Variants in GALNTL6 observed in about 807,000 individuals in gnomAD.
GALNTL6 encodes polypeptide N-acetylgalactosaminyltransferase-like 6.
In GALNTL6, 46 loss-of-function variants were observed where a neutral mutation model predicts 73.7. That is an observed-to-expected ratio of 0.62 (90% CI 0.49 to 0.80). GALNTL6 has a LOEUF of 0.80. GALNTL6 is among the 30% of genes least tolerant of loss of function. The pLI is 0.00. For missense variants in GALNTL6, 604 were observed against 755.0 expected (o/e 0.80, Z 2.34); for synonymous variants, 259 against 263.7 (o/e 0.98, Z 0.17).
chr4:172,396,316 CTTTTTT>C (rs10715891), intron 5 of GALNTL6, among the ~76,000 whole-genome samples: 1 of 137,548 alleles, frequency 7.3e-6, no homozygotes, highest in African/African-American at 2.7e-5. Flanking sequence ...CTTTTTTTTT[CTTTTTT>C]TTTTTTTTAA....
rs193258572 is a variant in GALNTL6, at chr4:172,605,878, A to T, written c.554-203483A>T. 2.6e-5 allele frequency among the ~76,000 whole-genome samples: 4 copies of T among 152,120 alleles called. No individual in the cohort carries two copies. The East Asian group carries it at 5.8e-4, about 22-fold the overall frequency. On this transcript the variant is annotated intron_variant, in intron 5 of 12. Coordinates refer to ENST00000506823, the MANE Select transcript of GALNTL6 (RefSeq NM_001034845.3). ...AAAGCTCTCAGCACAGAAAGAGGGG[A>T]TCCTGCAAATAGGATACCATCTCAC...
chr4:172,270,729 T>TGATAGATAGATAGATAGATAGATAGATA (rs34612752), intron 3 of GALNTL6, among the ~76,000 whole-genome samples: 2,862 of 151,674 alleles, frequency 0.019, 33 homozygotes, highest in East Asian at 0.027. Flanking sequence ...GGTAGGTAGA[T>TGATAGATAGATAGATAGATAGATAGATA]GATAGATAGA....
At chr4:172,951,993 A>G (rs1387975639) in intron 9 of GALNTL6, 44 bp from the exon 10 acceptor site, 1 of 1,479,766 alleles carries the variant, frequency 6.8e-7, no homozygotes, top group Middle Eastern at 1.7e-4. Context: ...CACCTTTTGA[A>G]TGAATAAACC....
At chr4:172,715,311 T>C (rs952253898) in intron 5 of GALNTL6, among the ~76,000 whole-genome samples, 5 of 152,160 alleles carry the variant, frequency 3.3e-5, no homozygotes, top group Admixed American at 2.6e-4. Flanking sequence ...CAAGTATGTG[T>C]GGACATGCCT....
chr4:172,115,338 T>C (rs1031034272), intron 2 of GALNTL6, among the ~76,000 whole-genome samples: 13 of 152,118 alleles, frequency 8.5e-5, no homozygotes, highest in African/African-American at 2.9e-4. Flanking sequence ...CAGGAAGGTA[T>C]AGAGCAAAAA....
At chr4:172,275,987 A>ACAT (rs1485924099) in intron 3 of GALNTL6, among the ~76,000 whole-genome samples, 7 of 152,236 alleles carry the variant, frequency 4.6e-5, no homozygotes, top group African/African-American at 1.7e-4. Context: ...GTTCTGCTTC[A>ACAT]CATGGTTTCC....
intron 2 of GALNTL6, among the ~76,000 whole-genome samples, chr4:171,984,995 C>G (rs1028677137): frequency 7.3e-6 from 1 of 136,398 alleles, no homozygotes; most frequent in Non-Finnish European, 1.6e-5. Flanking sequence ...TCAGCAAAAA[C>G]AAAAAAAAAA....
At chr4:172,855,319 T>C (rs1314056204) in intron 7 of GALNTL6, among the ~76,000 whole-genome samples, 1 of 152,214 alleles carries the variant, frequency 6.6e-6, no homozygotes, top group Non-Finnish European at 1.5e-5. Context: ...TTTTTATTTT[T>C]AGTATTTTGT....
intron 2 of GALNTL6, among the ~76,000 whole-genome samples, chr4:172,009,823 T>C (rs1435400718): frequency 1.3e-5 from 2 of 152,094 alleles, no homozygotes; most frequent in Non-Finnish European, 1.5e-5. Flanking sequence ...AAGACTACCA[T>C]TGACTCAGGT....
At chr4:171,817,881 T>C (rs999353655) in intron 2 of GALNTL6, among the ~76,000 whole-genome samples, 7 of 151,476 alleles carry the variant, frequency 4.6e-5, no homozygotes, top group Admixed American at 3.9e-4. Context: ...GTTTTTGAGA[T>C]TTTAAGATTT....
chr4:172,195,569 T>G (rs897208858), intron 2 of GALNTL6, among the ~76,000 whole-genome samples: 34 of 151,956 alleles, frequency 2.2e-4, no homozygotes, highest in Admixed American at 1.3e-4. Context: ...GCAAAAGAAC[T>G]GAAAGCATGA....
rs1377439780 is a variant in GALNTL6, at chr4:172,365,723, C to A, written c.553+17034C>A. Among the ~76,000 whole-genome samples, 14 of 148,920 alleles carry A rather than the reference C, an allele frequency of 9.4e-5. No homozygotes were observed. The East Asian group carries it at 1.4e-3, about 15-fold the overall frequency. On this transcript the variant is annotated intron_variant, in intron 5 of 12. Coordinates refer to ENST00000506823, the MANE Select transcript of GALNTL6 (RefSeq NM_001034845.3). ...GGAAATCTAAAAAAAAAAAAAAAATCAAAATGTATGTAGTGCGAGCCTCTA... is the reference window on the plus strand; with the variant it reads ...GGAAATCTAAAAAAAAAAAAAAAATAAAAATGTATGTAGTGCGAGCCTCTA...
chr4:171,943,983 TAGA>T (rs1310467328), intron 2 of GALNTL6, among the ~76,000 whole-genome samples: 5 of 152,076 alleles, frequency 3.3e-5, no homozygotes, highest in African/African-American at 1.2e-4. Context: ...CTAGAAATTA[TAGA>T]AGAACATATT....
At chr4:172,033,820 G>A (rs778101706) in intron 2 of GALNTL6, among the ~76,000 whole-genome samples, 123 of 151,984 alleles carry the variant, frequency 8.1e-4, no homozygotes, top group Non-Finnish European at 1.6e-3. Context: ...AAAATATCTA[G>A]ACCCTTTAGA....
chr4:173,021,749 T>G, intron 12 of GALNTL6, 124 bp downstream of exon 12: 3 of 978,396 alleles, frequency 3.1e-6, no homozygotes, highest in South Asian at 3.2e-5. Flanking sequence ...ATCCTGGCAC[T>G]CTGGGAGGTC....
intron 7 of GALNTL6, among the ~76,000 whole-genome samples, chr4:172,827,806 A>G (rs1742346427): frequency 1.3e-5 from 2 of 152,212 alleles, no homozygotes; most frequent in African/African-American, 2.4e-5. Context: ...AACAAGAAAA[A>G]TAAAGAAGAA....
chr4:171,821,649 ATATATATATAT>A (rs1001246469), intron 2 of GALNTL6, among the ~76,000 whole-genome samples: 2 of 17,480 alleles, frequency 1.1e-4, no homozygotes, highest in Non-Finnish European at 7.0e-4. Flanking sequence ...GGATATATAT[ATATATATATAT>A]ATATATAGTT....
chr4:172,282,021 A>G (rs372750012), intron 3 of GALNTL6, among the ~76,000 whole-genome samples: 11 of 152,184 alleles, frequency 7.2e-5, no homozygotes, highest in Non-Finnish European at 1.6e-4. Flanking sequence ...AAATGACACA[A>G]AAAGTACTGG....
intron 5 of GALNTL6, among the ~76,000 whole-genome samples, chr4:172,727,668 T>C (rs1735899685): frequency 6.6e-6 from 1 of 152,154 alleles, no homozygotes; most frequent in Non-Finnish European, 1.5e-5. Context: ...TTTGTTGTGT[T>C]GTATCCTAAT....
Sources: allele counts gnomAD v4.1 joint callset (sites outside exome capture counted in the v4.1 genomes callset), GRCh38; gene constraint gnomAD v4.1.1; transcripts MANE v1.5; gene names NCBI Gene and HGNC (gene_info 2026-07-23, HGNC 2026-07-21).